The following BRD4 variants were observed in gnomAD, a reference collection of about 807,000 sequenced individuals.
BRD4 encodes bromodomain-containing protein 4.
A neutral mutation model predicts 142.1 loss-of-function variants in BRD4; 16 were observed. The ratio of observed to expected loss-of-function variants is 0.11; its 90% CI spans 0.08 to 0.17. The LOEUF is 0.17. Ranked by LOEUF, BRD4 falls within the 10% of genes least tolerant of loss-of-function variation. The pLI is 1.00. For missense variants in BRD4, 1,424 were observed against 1,810.9 expected (o/e 0.79, Z 3.88); for synonymous variants, 833 against 707.5 (o/e 1.18, Z -2.82).
chr19:15,289,624 A>C (rs2047765879), intron 1 of BRD4, among the ~76,000 whole-genome samples: 2 of 151,992 alleles, frequency 1.3e-5, no homozygotes, highest in African/African-American at 4.8e-5. Context: ...AACCACTCTC[A>C]AGGTAGCTAG....
rs377392744 is a variant in BRD4, at chr19:15,261,461, G to A, written c.1341+1959C>T. 4.0e-5 allele frequency among the ~76,000 whole-genome samples: 6 copies of A among 151,370 alleles called. No individual in the cohort carries two copies. The South Asian group carries it at 6.3e-4, about 16-fold the overall frequency. On this transcript the variant is annotated intron_variant, in intron 7 of 19. Transcript: ENST00000679869. ...CGTGCCACTGCACTCCAGCCTGGGC[G>A]ACAGAAAGAGACTCCATCTCAAAAA...
At chr19:15,290,537 G>C (rs896340058) in intron 1 of BRD4, among the ~76,000 whole-genome samples, 2 of 152,148 alleles carry the variant, frequency 1.3e-5, no homozygotes, top group African/African-American at 4.8e-5. Flanking sequence ...ATAAATGGGT[G>C]CAAGTATACA....
intron 13 of BRD4, among the ~76,000 whole-genome samples, chr19:15,243,948 C>T (rs1253412198): frequency 1.3e-5 from 2 of 152,176 alleles, no homozygotes; most frequent in Non-Finnish European, 2.9e-5. Flanking sequence ...GACGCCTGGC[C>T]CAGCAGCAGA....
At chr19:15,246,677 C>T (rs968177476) in intron 11 of BRD4, 1 of 152,048 alleles carries the variant, frequency 6.6e-6, no homozygotes, top group African/African-American at 2.4e-5. Flanking sequence ...TGAGCAGAGG[C>T]CCATAGGAGA....
chr19:15,270,156 T>A (rs906618622), intron 2 of BRD4, among the ~76,000 whole-genome samples: 5 of 152,208 alleles, frequency 3.3e-5, no homozygotes, highest in African/African-American at 1.2e-4. Context: ...AGGCACAGGC[T>A]GCAGGTGGAG....
chr19:15,269,329 T>C (rs1464357565), intron 2 of BRD4, among the ~76,000 whole-genome samples: 7 of 152,234 alleles, frequency 4.6e-5, no homozygotes, highest in Non-Finnish European at 1.0e-4. Flanking sequence ...ACATTTTTTC[T>C]TTTTATGGAT....
intron 1 of BRD4, among the ~76,000 whole-genome samples, chr19:15,322,068 C>A (rs1255316384): frequency 6.6e-6 from 1 of 152,138 alleles, no homozygotes; most frequent in Non-Finnish European, 1.5e-5. Context: ...CATCAAGTAG[C>A]ATGGAAACCA....
At chr19:15,298,969 TAGC>T (rs2047846558) in intron 1 of BRD4, among the ~76,000 whole-genome samples, 1 of 152,180 alleles carries the variant, frequency 6.6e-6, no homozygotes, top group African/African-American at 2.4e-5. Context: ...ACCCCAGGTG[TAGC>T]AACAACCCTC....
intron 1 of BRD4, among the ~76,000 whole-genome samples, chr19:15,319,116 G>T (rs2048040364): frequency 6.6e-6 from 1 of 152,182 alleles, no homozygotes; most frequent in African/African-American, 2.4e-5. Flanking sequence ...CAGGAGGCTT[G>T]CTCAAGTTCA....
chr19:15,249,023 T>G, intron 11 of BRD4: 2 of 560,580 alleles, frequency 3.6e-6, no homozygotes, highest in East Asian at 5.9e-5. Context: ...CCAGGAAGGC[T>G]GGGCAGGACA....
At chr19:15,265,295 C>G in intron 5 of BRD4, 59 bp downstream of exon 5, 3 of 1,418,910 alleles carry the variant, frequency 2.1e-6, no homozygotes, top group Admixed American at 2.9e-5. Context: ...AAAGCACGGG[C>G]AAGGACAGGG....
intron 1 of BRD4, among the ~76,000 whole-genome samples, chr19:15,295,656 T>C (rs752860815): frequency 4.6e-5 from 7 of 152,132 alleles, no homozygotes; most frequent in Admixed American, 2.0e-4. Context: ...GAGGCACAGA[T>C]TGGGAAGGAA....
chr19:15,320,212 GAAT>G (rs1400223237), intron 1 of BRD4, among the ~76,000 whole-genome samples: 2 of 152,064 alleles, frequency 1.3e-5, no homozygotes, highest in Middle Eastern at 3.2e-3. Flanking sequence ...TCTCCTAAAG[GAAT>G]AATATTTCCA....
intron 1 of BRD4, among the ~76,000 whole-genome samples, chr19:15,288,865 G>A (rs953297199): frequency 6.6e-6 from 1 of 152,180 alleles, no homozygotes. Context: ...TGAGGGGAGG[G>A]AAAGTTCAGA....
intron 1 of BRD4, among the ~76,000 whole-genome samples, chr19:15,330,883 A>G (rs1444455038): frequency 6.6e-6 from 1 of 152,210 alleles, no homozygotes; most frequent in Non-Finnish European, 1.5e-5. Flanking sequence ...CAACTTCCAA[A>G]GACGGTAGGG....
Position 15,238,881 on chromosome 19 carries a change from C to T in BRD4, c.3882G>A (p.Gln1294=), listed in dbSNP as rs200486675. ...EQQQQQRQEQ[Q]QQQQQQAAAV... is the part of the protein sequence containing the mutation. ...CAGCTGCTTGCTGTTGCTGCTGCTG[C>T]TGTTGCTCCTGGCGCTGCTGCTGCT... The change falls in exon 19 of 20, where the codon CAG becomes CAA. Residue 1294 remains glutamine (Q), a synonymous_variant. Transcript: ENST00000679869. The surrounding 1 kb of genome is among the most constrained non-coding windows in gnomAD (Gnocchi z 7.2). 1.1e-5 allele frequency: 18 copies of T among 1,597,326 alleles called. No individual in the cohort carries two copies. The East Asian group carries it at 4.1e-4, about 36-fold the overall frequency.
At chr19:15,302,085 T>C (rs2047873373) in intron 1 of BRD4, among the ~76,000 whole-genome samples, 1 of 151,550 alleles carries the variant, frequency 6.6e-6, no homozygotes, top group South Asian at 2.1e-4. Flanking sequence ...CAGAATTGCT[T>C]GAACCCAGCA....
intron 11 of BRD4, among the ~76,000 whole-genome samples, chr19:15,251,438 C>CGGGCGGGG (rs2047343151): frequency 1.4e-4 from 1 of 7,084 alleles, no homozygotes; most frequent in Non-Finnish European, 2.5e-4. Flanking sequence ...AACACAAGAA[C>CGGGCGGGG]GGGGGGGGGG....
chr19:15,282,781 G>A (rs1398666554), intron 1 of BRD4, among the ~76,000 whole-genome samples: 3 of 152,048 alleles, frequency 2.0e-5, no homozygotes, highest in African/African-American at 7.2e-5. Flanking sequence ...CAGAGCTGTG[G>A]GGTATGTGGC....
Sources: allele counts gnomAD v4.1 joint callset (sites outside exome capture counted in the v4.1 genomes callset), GRCh38; gene constraint gnomAD v4.1.1; non-coding constraint Gnocchi (gnomAD v3.1); transcripts MANE v1.5; gene names NCBI Gene and HGNC (gene_info 2026-07-23, HGNC 2026-07-21).